SERPINB8: variants seen among roughly 807,000 people sequenced by gnomAD.
SERPINB8 encodes the protein serpin family B member 8.
SERPINB8 carries 25 observed loss-of-function variants against 35.3 expected under a neutral mutation model. The observed-to-expected ratio is 0.71, with a 90% CI of 0.52 to 0.99. The LOEUF is 0.99. Ranked by LOEUF, SERPINB8 falls within the 50% of genes least tolerant of loss-of-function variation. SERPINB8 has a pLI of 0.00. For synonymous variants in SERPINB8, 186 were observed against 160.8 expected, an observed-to-expected ratio of 1.16 and a Z score of -1.19; for missense variants, 484 against 446.5, an observed-to-expected ratio of 1.08 and a Z score of -0.76.
chr18:64,003,905 A>C (rs2050888060), intron 1 of SERPINB8, among the ~76,000 whole-genome samples: 1 of 152,158 alleles, frequency 6.6e-6, no homozygotes, highest in Non-Finnish European at 1.5e-5. Context: ...TCACAGACAT[A>C]CCTAGCATAA....
chr18:64,010,355 C>CT (rs1368078013), downstream of SERPINB8, among the ~76,000 whole-genome samples: 1 of 152,138 alleles, frequency 6.6e-6, no homozygotes, highest in South Asian at 2.1e-4. Flanking sequence ...TCTCGCATTA[C>CT]TTAGTAAAGC....
downstream of SERPINB8, among the ~76,000 whole-genome samples, chr18:64,008,085 A>G (rs1251925830): frequency 6.6e-6 from 1 of 152,234 alleles, no homozygotes; most frequent in Non-Finnish European, 1.5e-5. Flanking sequence ...TTGGTGCAAC[A>G]TTTAAAAATG....
chr18:63,995,601 G>A (rs923307221), intron 1 of SERPINB8, among the ~76,000 whole-genome samples: 1 of 152,180 alleles, frequency 6.6e-6, no homozygotes, highest in African/African-American at 2.4e-5. Flanking sequence ...AATCCCTGAT[G>A]GAAATTGCTG....
chr18:63,984,309 G>A (rs1199722721), intron 5 of SERPINB8, among the ~76,000 whole-genome samples: 1 of 152,138 alleles, frequency 6.6e-6, no homozygotes, highest in Non-Finnish European at 1.5e-5. Context: ...TTTCTTCTAA[G>A]CCTTGGAATT....
At chr18:64,014,178 T>C (rs1441514421) in intron 7 of SERPINB8, among the ~76,000 whole-genome samples, 4 of 152,114 alleles carry the variant, frequency 2.6e-5, no homozygotes, top group Admixed American at 6.6e-5. Flanking sequence ...GAGTAGTGTA[T>C]GCAGAAAAGG....
rs774569519 is a variant in SERPINB8, at chr18:63,987,088, A to G, written c.935A>G (p.Lys312Arg). The G allele has an allele frequency of 4.1e-5, 66 of 1,614,066 alleles. No homozygotes were observed. The highest frequency in any genetic ancestry group is 5.3e-5 in the Non-Finnish European group (62 of 1,180,040). ...MSTEKNVPLSKVAHKCFVEVN... is the reference protein window; with the variant it reads ...MSTEKNVPLSRVAHKCFVEVN... ...ACTGAGAAGAATGTGCCTCTGTCCA[A>G]GGTTGCCCACAAGTGCTTCGTGGAG... The change falls in exon 7 of 7, where the codon AAG becomes AGG. Residue 312 changes from lysine to arginine, a missense_variant. Physicochemically the swap from Lys to Arg is conservative, Grantham distance 26 (BLOSUM62 2). Coordinates refer to ENST00000397985, the MANE Select transcript of SERPINB8 (RefSeq NM_002640.4).
At chr18:63,996,625 A>G (rs1318619274) in intron 1 of SERPINB8, among the ~76,000 whole-genome samples, 1 of 152,212 alleles carries the variant, frequency 6.6e-6, no homozygotes, top group African/African-American at 2.4e-5. Flanking sequence ...CTTGCACTCT[A>G]TTGATGACAT....
intron 7 of SERPINB8, among the ~76,000 whole-genome samples, chr18:64,011,135 T>C (rs1469304072): frequency 6.6e-6 from 1 of 152,054 alleles, no homozygotes; most frequent in Non-Finnish European, 1.5e-5. Flanking sequence ...GTAATTTCCC[T>C]ACTAAAAGAC....
At chr18:64,007,916 G>A (rs1392269824), downstream of SERPINB8, among the ~76,000 whole-genome samples, 1 of 152,034 alleles carries the variant, frequency 6.6e-6, no homozygotes, top group African/African-American at 2.4e-5. Flanking sequence ...AACTGTACAA[G>A]AACAGAACAT....
intron 1 of SERPINB8, among the ~76,000 whole-genome samples, chr18:64,003,094 G>C (rs1460727656): frequency 6.6e-6 from 1 of 152,170 alleles, no homozygotes. Flanking sequence ...GTCTTCTCAG[G>C]AAAGGTCCTG....
intron 1 of SERPINB8, among the ~76,000 whole-genome samples, chr18:63,971,778 A>T (rs2050485942): frequency 6.6e-6 from 1 of 152,106 alleles, no homozygotes. Context: ...GGCTTTCCAG[A>T]CCATAATCTC....
In SERPINB8 at chr18:63,986,911, G is replaced by T; in HGVS notation, c.758G>T (p.Trp253Leu). The stretch of plus-strand genomic sequence containing the variant: ...CTTACATATGAGAAATTCAAAGCCT[G>T]GACAAATTCAGAAAAGTTGACAAAA... ...KALTYEKFKA[W>L]TNSEKLTKSK... Residue 253 changes from tryptophan to leucine, a missense_variant, in exon 7 of 7, where the codon TGG (tryptophan) becomes TTG (leucine). Trp to Leu is a moderately conservative substitution (Grantham distance 61). Coordinates refer to ENST00000397985, the MANE Select transcript of SERPINB8 (RefSeq NM_002640.4). 1 of 1,613,188 alleles carries T rather than the reference G, an allele frequency of 6.2e-7. No individual in the cohort carries two copies. Among genetic ancestry groups the T allele is most frequent in the Non-Finnish European group, 8.5e-7 (1 of 1,179,808 alleles).
rs373624835 is a variant in SERPINB8, at chr18:63,987,020, C to G, written c.867C>G (p.Ile289Met). Residue 289 changes from isoleucine (I) to methionine (M), a missense_variant, in exon 7 of 7, where the codon ATC (isoleucine) becomes ATG (methionine). Ile to Met is a conservative substitution (Grantham distance 10, BLOSUM62 1). Coordinates refer to ENST00000397985, the MANE Select transcript of SERPINB8 (RefSeq NM_002640.4). ...CTTTCCTTCGAAGATTAGGAATGAT[C>G]GATGCTTTTGACGAAGCCAAGGCAG... ...LEPFLRRLGM[I>M]DAFDEAKADF... 3 of 1,614,156 alleles carry G rather than the reference C, an allele frequency of 1.9e-6. No homozygotes were observed. The East Asian group carries it at 6.7e-5, about 36-fold the overall frequency.
intron 4 of SERPINB8, among the ~76,000 whole-genome samples, chr18:63,982,754 C>G (rs1174332472): frequency 6.6e-6 from 1 of 152,174 alleles, no homozygotes; most frequent in Non-Finnish European, 1.5e-5. Context: ...CTGCCCTATA[C>G]CTGTCACTGC....
chr18:64,006,904 A>G (rs975849739), downstream of SERPINB8, among the ~76,000 whole-genome samples: 1 of 152,210 alleles, frequency 6.6e-6, no homozygotes, highest in Non-Finnish European at 1.5e-5. Flanking sequence ...AAAAAAACCT[A>G]TGCATCCAAC....
chr18:64,002,020 T>C (rs772342319), intron 1 of SERPINB8, among the ~76,000 whole-genome samples: 17 of 152,172 alleles, frequency 1.1e-4, no homozygotes, highest in Non-Finnish European at 2.5e-4. Context: ...GAGGATGAAG[T>C]TGGGGCAGTG....
downstream of SERPINB8, among the ~76,000 whole-genome samples, chr18:64,009,866 C>T (rs1300265070): frequency 6.6e-6 from 1 of 151,908 alleles, no homozygotes; most frequent in East Asian, 1.9e-4. Context: ...AATTTATAAC[C>T]TTAGTGAAGT....
intron 7 of SERPINB8, among the ~76,000 whole-genome samples, chr18:64,013,747 G>T (rs997107218): frequency 2.0e-5 from 3 of 152,174 alleles, no homozygotes; most frequent in Admixed American, 1.3e-4. Flanking sequence ...TCTAAATTTT[G>T]GGTAAGGCTA....
At chr18:64,008,982 A>T (rs1325564103), downstream of SERPINB8, among the ~76,000 whole-genome samples, 1 of 152,204 alleles carries the variant, frequency 6.6e-6, no homozygotes, top group Non-Finnish European at 1.5e-5. Context: ...TTAGCTCAGG[A>T]CCTGGTACAG....
Sources: gnomAD v4.1 joint callset for allele counts (sites outside exome capture counted in the v4.1 genomes callset) on GRCh38, gnomAD v4.1.1 for gene constraint, MANE v1.5 for transcripts, NCBI Gene and HGNC (gene_info 2026-07-23, HGNC 2026-07-21) for gene names.